Variants in RAPGEF1 observed in about 807,000 individuals in gnomAD.
The protein encoded by RAPGEF1 is CRK SH3-binding GNRP.
A neutral mutation model predicts 143.3 loss-of-function variants in RAPGEF1; 33 were observed. That is an observed-to-expected ratio of 0.23 (90% CI 0.17 to 0.31). RAPGEF1 has a LOEUF of 0.31. Among genes scored for constraint, RAPGEF1 ranks in the 10% least tolerant of loss-of-function variants. RAPGEF1 has a pLI of 1.00. For synonymous variants in RAPGEF1, 629 were observed against 676.5 expected, an observed-to-expected ratio of 0.93 and a Z score of 1.09; for missense variants, 1,199 against 1,645.4, an observed-to-expected ratio of 0.73 and a Z score of 4.69.
rs200256047 is a variant in RAPGEF1, at chr9:131,584,513, A to G, written c.3312+5T>C. On this transcript the variant is annotated splice_donor_5th_base_variant and intron_variant, in intron 23 of 26. Transcript: ENST00000683357. This position sits in a 1 kb window ranked among gnomAD's most constrained non-coding sequence, Gnocchi z 6.8. ...GGGGCCTGGGAAGGACTTGGCCACC[A>G]TTACCTTCATGATCTTGATGAACTT... 1.6e-4 allele frequency: 259 copies of G among 1,613,842 alleles called. 1 individual carries two copies. The highest frequency in any genetic ancestry group is 1.8e-4 in the Admixed American group (11 of 60,000).
At chr9:131,737,210 C>CT (rs1837474586) in intron 1 of RAPGEF1, among the ~76,000 whole-genome samples, 1 of 152,212 alleles carries the variant, frequency 6.6e-6, no homozygotes, top group South Asian at 2.1e-4. Flanking sequence ...TCTCAGAACT[C>CT]TTACTTTTTC....
chr9:131,626,618 C>T (rs1963167344), intron 9 of RAPGEF1, among the ~76,000 whole-genome samples, 196 bp from the exon 10 acceptor site: 1 of 152,078 alleles, frequency 6.6e-6, no homozygotes, highest in African/African-American at 2.4e-5. Flanking sequence ...GGGAATATGG[C>T]TGTTTGCTAT....
chr9:131,622,118 G>A, intron 10 of RAPGEF1, 120 bp from the exon 11 acceptor site: 11 of 942,896 alleles, frequency 1.2e-5, no homozygotes, highest in South Asian at 1.0e-4. Context: ...AGAGAGGGAC[G>A]AACAGACGGA....
rs116766670 is a variant in RAPGEF1 at position 131,580,220 on chromosome 9, G to A, written c.3641+43C>T. On this transcript the variant is annotated intron_variant, in intron 26 of 26. Transcript: ENST00000683357. Reference sequence around the variant, plus strand: ...GGCTGTCTCTCCTTGTGTGTGGCCCGGGGCTCAGCTCTGCCTGGTCCCCCC... The same window carrying A: ...GGCTGTCTCTCCTTGTGTGTGGCCCAGGGCTCAGCTCTGCCTGGTCCCCCC... 1.5e-3 allele frequency: 2,433 copies of A among 1,606,868 alleles called. 35 individuals carry two copies. In the African/African-American group the frequency reaches 0.029, roughly 19 times the overall value.
chr9:131,589,905 G>A lies in RAPGEF1; in HGVS notation c.2848C>T (p.Arg950Trp), dbSNP rs1473850902. 1 of 1,613,784 alleles carries A rather than the reference G, an allele frequency of 6.2e-7. No homozygotes were observed. Among genetic ancestry groups the A allele is most frequent in the Admixed American group, 1.7e-5 (1 of 60,014 alleles). Residue 950 changes from arginine to tryptophan, a missense_variant, in exon 19 of 27, where the codon CGG (arginine) becomes TGG (tryptophan). Physicochemically the swap from Arg to Trp is moderately radical, Grantham distance 101 (BLOSUM62 -3). Transcript: ENST00000683357. The stretch of plus-strand genomic sequence containing the variant: ...ACTCACCAGAGCTCATCCACCACCC[G>A]TACCAGCACGAAGAACGTGTTCTTG... Reference protein sequence around the residue: ...VSKNTFFVLVRVVDELCLVEL... With the variant: ...VSKNTFFVLVWVVDELCLVEL...
intron 1 of RAPGEF1, among the ~76,000 whole-genome samples, chr9:131,692,760 T>C (rs1410118209): frequency 6.6e-6 from 1 of 152,224 alleles, no homozygotes; most frequent in Non-Finnish European, 1.5e-5. Flanking sequence ...ATCAGTAGCT[T>C]CTACAGAGAC....
intron 5 of RAPGEF1, among the ~76,000 whole-genome samples, chr9:131,632,898 C>G (rs1407030559): frequency 6.6e-6 from 1 of 152,038 alleles, no homozygotes; most frequent in African/African-American, 2.4e-5. Flanking sequence ...AAACAAGCAA[C>G]CCCGCCCTCC....
chr9:131,652,237 T>A (rs1363202114), intron 1 of RAPGEF1, among the ~76,000 whole-genome samples: 7 of 152,022 alleles, frequency 4.6e-5, no homozygotes, highest in South Asian at 2.1e-4. Context: ...ACTTTTAATT[T>A]AAAAAAAACA....
rs555247780 is a variant in RAPGEF1 at position 131,608,565 on chromosome 9, G to C, written c.2062-3377C>G. On this transcript the variant is annotated intron_variant, in intron 12 of 26. Transcript: ENST00000683357. The stretch of plus-strand genomic sequence containing the variant: ...GGGCAGCTAGCAAGGAGAAAGCAAG[G>C]AGAGTCGGCCTCTCTTGGACAAAGG... 2.0e-3 allele frequency among the ~76,000 whole-genome samples: 304 copies of C among 152,294 alleles called. 1 individual carries two copies. The highest frequency in any genetic ancestry group is 6.6e-3 in the African/African-American group (273 of 41,546).
intron 1 of RAPGEF1, among the ~76,000 whole-genome samples, chr9:131,709,345 C>A (rs961836143): frequency 6.6e-6 from 1 of 151,712 alleles, no homozygotes; most frequent in African/African-American, 2.4e-5. Context: ...GACTCCATTT[C>A]AAAAAAAATA....
At chr9:131,731,444 G>T (rs1479958452) in intron 1 of RAPGEF1, among the ~76,000 whole-genome samples, 1 of 152,170 alleles carries the variant, frequency 6.6e-6, no homozygotes, top group Non-Finnish European at 1.5e-5. Context: ...CCAACCAGGG[G>T]TTTTGTTTGT....
rs55684326 is a variant in RAPGEF1, at chr9:131,632,295, A to ATTT, written c.652-1974_652-1972dup. Among the ~76,000 whole-genome samples the ATTT allele has an allele frequency of 1.7e-4, 23 of 136,092 alleles. 1 individual carries two copies. The highest frequency in any genetic ancestry group is 9.4e-4 in the South Asian group (4 of 4,250). 89.3% of individuals were successfully genotyped at this position (136,092 alleles called of 152,430 possible). A position where few individuals can be genotyped will look rare whatever the true frequency, so the allele number is the denominator to read the frequency against. On this transcript the variant is annotated intron_variant, in intron 5 of 26. Coordinates refer to ENST00000683357, the MANE Select transcript of RAPGEF1 (RefSeq NM_001377935.1). The stretch of plus-strand genomic sequence containing the variant: ...AGGCACCTGCCACTGCACCCGGCTA[A>ATTT]TTTTTTTTTTTTTTTTTGTATTTTT...
chr9:131,681,306 C>T (rs567617542), intron 1 of RAPGEF1, among the ~76,000 whole-genome samples: 5 of 152,232 alleles, frequency 3.3e-5, no homozygotes, highest in Non-Finnish European at 7.4e-5. Flanking sequence ...AGCAGCACCT[C>T]GAGCGACCAC....
intron 1 of RAPGEF1, among the ~76,000 whole-genome samples, chr9:131,668,297 T>A (rs1830762886): frequency 6.6e-6 from 1 of 152,198 alleles, no homozygotes; most frequent in African/African-American, 2.4e-5. Flanking sequence ...AGTGGTTAAA[T>A]CAGCAGCGGC....
intron 22 of RAPGEF1, among the ~76,000 whole-genome samples, chr9:131,586,640 T>A (rs1588190722): frequency 1.2e-5 from 1 of 80,918 alleles, no homozygotes; most frequent in African/African-American, 6.1e-5. Context: ...CTGCAGAGAC[T>A]CCGTCTCAAA....
intron 1 of RAPGEF1, 86 bp downstream of exon 1, chr9:131,739,684 C>T: frequency 1.0e-6 from 1 of 975,404 alleles, no homozygotes; most frequent in Middle Eastern, 4.9e-4. Context: ...GCCGCACATC[C>T]CGGGCGACCC....
chr9:131,608,130 C>T (rs539557142), intron 12 of RAPGEF1, among the ~76,000 whole-genome samples: 13 of 152,308 alleles, frequency 8.5e-5, no homozygotes, highest in Non-Finnish European at 1.6e-4. Flanking sequence ...ATCTTTAAAA[C>T]GGGGATGAAA....
Position 131,627,486 on chromosome 9 carries a change from G to C in RAPGEF1, c.1201+427C>G, listed in dbSNP as rs143965901. 4.9e-3 allele frequency among the ~76,000 whole-genome samples: 744 copies of C among 152,200 alleles called. 11 individuals carry two copies. Among genetic ancestry groups the C allele is most frequent in the African/African-American group, 0.017 (697 of 41,528 alleles). ...TCTAAGCCCCCTGCCCAGCAGACTC[G>C]GAGGGGCCCGCACAGTACACATTCA... On this transcript the variant is annotated intron_variant, in intron 9 of 26. Coordinates refer to ENST00000683357, the MANE Select transcript of RAPGEF1 (RefSeq NM_001377935.1).
At chr9:131,693,536 A>C (rs1833928710) in intron 1 of RAPGEF1, among the ~76,000 whole-genome samples, 1 of 152,104 alleles carries the variant, frequency 6.6e-6, no homozygotes, top group African/African-American at 2.4e-5. Flanking sequence ...CTTTATAAGA[A>C]AAGTAACTCT....
Sources: allele counts gnomAD v4.1 joint callset (sites outside exome capture counted in the v4.1 genomes callset), GRCh38; gene constraint gnomAD v4.1.1; non-coding constraint Gnocchi (gnomAD v3.1); transcripts MANE v1.5; gene names NCBI Gene and HGNC (gene_info 2026-07-23, HGNC 2026-07-21).